The following GRID1 variants were observed in gnomAD, a reference collection of about 807,000 sequenced individuals.
GRID1 encodes glutamate receptor ionotropic, delta-1.
In GRID1, 28 loss-of-function variants were observed where a neutral mutation model predicts 98.0. That is an observed-to-expected ratio of 0.29 (90% confidence interval 0.21 to 0.39). The LOEUF (loss-of-function observed/expected upper bound fraction) is 0.39. Ranked by LOEUF, GRID1 falls within the 10% of genes least tolerant of loss-of-function variation. The probability of loss-of-function intolerance (pLI) is 1.00; values close to 1 mark genes in which losing one functional copy is unlikely to be tolerated. For synonymous variants in GRID1, 553 were observed against 538.5 expected, an observed-to-expected ratio of 1.03 and a Z score of -0.37; for missense variants, 1,111 against 1,340.5, an observed-to-expected ratio of 0.83 and a Z score of 2.67.
At chr10:86,130,562 T>C (rs2131966041) in intron 4 of GRID1, among the ~76,000 whole-genome samples, 1 of 152,244 alleles carries the variant, frequency 6.6e-6, no homozygotes, top group East Asian at 1.9e-4. Context: ...GGAGTTCGGT[T>C]GGAGACAGTC....
intron 8 of GRID1, among the ~76,000 whole-genome samples, chr10:85,834,872 T>G (rs1050543422): frequency 6.6e-6 from 1 of 152,254 alleles, no homozygotes; most frequent in Non-Finnish European, 1.5e-5. Context: ...ATCTTAAGGA[T>G]GTAAATATGC....
At chr10:86,244,867 T>TAATAATAATAA (rs1846696530) in intron 2 of GRID1, among the ~76,000 whole-genome samples, 1 of 152,220 alleles carries the variant, frequency 6.6e-6, no homozygotes, top group Admixed American at 6.5e-5. Flanking sequence ...ATCCCCTAAT[T>TAATAATAATAA]AACTGTGGTT....
At chr10:85,946,471 T>C (rs979908491) in intron 4 of GRID1, among the ~76,000 whole-genome samples, 1 of 152,238 alleles carries the variant, frequency 6.6e-6, no homozygotes, top group African/African-American at 2.4e-5. Context: ...ATAATTTTCT[T>C]TGACACACCA....
intron 2 of GRID1, among the ~76,000 whole-genome samples, chr10:86,328,293 TCCCTCTGAGG>T (rs541965723): frequency 6.6e-6 from 1 of 152,268 alleles, no homozygotes; most frequent in Non-Finnish European, 1.5e-5. Context: ...ATTTCAGTTT[TCCCTCTGAGG>T]CAGGAAACGG....
intron 2 of GRID1, among the ~76,000 whole-genome samples, chr10:86,299,272 G>A (rs1231086497): frequency 7.0e-6 from 1 of 143,876 alleles, no homozygotes; most frequent in East Asian, 2.0e-4. Context: ...CCTTTGACCA[G>A]CATCTCCCCA....
intron 8 of GRID1, among the ~76,000 whole-genome samples, chr10:85,764,373 T>C (rs1211914397): frequency 6.6e-6 from 1 of 152,218 alleles, no homozygotes; most frequent in Non-Finnish European, 1.5e-5. Context: ...AGCCTTCAAA[T>C]GGCCCCGCAT....
intron 4 of GRID1, among the ~76,000 whole-genome samples, chr10:86,029,831 C>G (rs986936737): frequency 6.6e-6 from 1 of 151,962 alleles, no homozygotes; most frequent in East Asian, 1.9e-4. Context: ...TGTCCATAAC[C>G]CAGAGGTTTC....
Position 86,010,711 on chromosome 10 carries a change from G to A in GRID1, c.727-94472C>T, listed in dbSNP as rs553238822. Reference sequence around the variant, plus strand: ...TGTGCACCTGTAGTCCCAGCTACTCGAGAGGCTGAGGCAGGAGAGTTGCTT... The same window carrying A: ...TGTGCACCTGTAGTCCCAGCTACTCAAGAGGCTGAGGCAGGAGAGTTGCTT... On this transcript the variant is annotated intron_variant, in intron 4 of 15. Transcript: ENST00000327946. Among the ~76,000 whole-genome samples the A allele has an allele frequency of 8.6e-5, 13 of 151,604 alleles. No individual in the cohort carries two copies. The South Asian group carries it at 1.9e-3, about 22-fold the overall frequency.
intron 2 of GRID1, among the ~76,000 whole-genome samples, chr10:86,234,414 C>G (rs780569343): frequency 2.0e-5 from 3 of 152,204 alleles, no homozygotes; most frequent in Non-Finnish European, 2.9e-5. Flanking sequence ...TTCCAGAATC[C>G]CTGTGTGCAT....
chr10:85,819,152 C>G (rs1258505269), intron 8 of GRID1, among the ~76,000 whole-genome samples: 3 of 151,994 alleles, frequency 2.0e-5, no homozygotes, highest in African/African-American at 7.3e-5. Flanking sequence ...GTAAGAATTC[C>G]AAGTAAAGTA....
chr10:85,962,074 G>C (rs1341457141), intron 4 of GRID1, among the ~76,000 whole-genome samples: 2 of 152,180 alleles, frequency 1.3e-5, no homozygotes, highest in African/African-American at 4.8e-5. Context: ...GAGGACAGAG[G>C]GTGGTCTGTG....
chr10:85,713,886 T>A (rs186441183), intron 12 of GRID1, among the ~76,000 whole-genome samples: 432 of 152,062 alleles, frequency 2.8e-3, no homozygotes, highest in Non-Finnish European at 5.3e-3. Context: ...AGCCTATGGC[T>A]AACATCATAC....
chr10:86,028,114 A>G (rs17106176), intron 4 of GRID1, among the ~76,000 whole-genome samples: 5,010 of 152,254 alleles, frequency 0.033, 238 homozygotes, highest in African/African-American at 0.1. Context: ...CCATTCACCC[A>G]CCAGGTGTGT....
At chr10:86,295,678 C>T (rs1316806975) in intron 2 of GRID1, among the ~76,000 whole-genome samples, 1 of 152,010 alleles carries the variant, frequency 6.6e-6, no homozygotes, top group Non-Finnish European at 1.5e-5. Flanking sequence ...TTTTTTTTTC[C>T]ACCCTTAGCT....
chr10:85,840,599 G>A (rs1842952780), intron 8 of GRID1, among the ~76,000 whole-genome samples: 1 of 152,118 alleles, frequency 6.6e-6, no homozygotes, highest in African/African-American at 2.4e-5. Flanking sequence ...CATAGACTCT[G>A]ATCAAAAGTT....
At chr10:85,629,334 C>T (rs1389026243) in intron 13 of GRID1, among the ~76,000 whole-genome samples, 2 of 152,260 alleles carry the variant, frequency 1.3e-5, no homozygotes, top group South Asian at 2.1e-4. Flanking sequence ...ATCACCCAAA[C>T]AGCCTATATT....
intron 4 of GRID1, among the ~76,000 whole-genome samples, chr10:86,135,472 T>C (rs1431501856): frequency 1.3e-5 from 2 of 151,282 alleles, no homozygotes; most frequent in Non-Finnish European, 2.9e-5. Flanking sequence ...CTCAGCCCCA[T>C]CCTCCCTGAG....
chr10:86,084,572 A>G (rs537235585), intron 4 of GRID1, among the ~76,000 whole-genome samples: 4 of 152,356 alleles, frequency 2.6e-5, no homozygotes, highest in African/African-American at 7.2e-5. Context: ...TCTCAAAGAG[A>G]TACTTGCACA....
At chr10:86,356,186 G>C (rs1408942157) in intron 2 of GRID1, among the ~76,000 whole-genome samples, 1 of 152,212 alleles carries the variant, frequency 6.6e-6, no homozygotes, top group Non-Finnish European at 1.5e-5. Context: ...GCACATGGAA[G>C]GGCTGCCCAG....
Sources: allele counts gnomAD v4.1 joint callset (sites outside exome capture counted in the v4.1 genomes callset), GRCh38; gene constraint gnomAD v4.1.1; transcripts MANE v1.5; gene names NCBI Gene and HGNC (gene_info 2026-07-23, HGNC 2026-07-21).